PROS1: variants seen among roughly 807,000 people sequenced by gnomAD.
PROS1 encodes vitamin K-dependent protein S.
A neutral mutation model predicts 75.9 loss-of-function variants in PROS1; 29 were observed. That is an observed-to-expected ratio of 0.38 (90% CI 0.28 to 0.52). PROS1 has a LOEUF of 0.52. PROS1 is among the 20% of genes least tolerant of loss of function. The pLI is 0.83. For synonymous variants in PROS1, 245 were observed against 280.6 expected (o/e 0.87, Z 1.27); for missense variants, 680 against 810.3 (o/e 0.84, Z 1.95).
At chr3:93,925,711 CGACACAG>C (rs1240542430) in intron 2 of PROS1, among the ~76,000 whole-genome samples, 8 of 149,694 alleles carry the variant, frequency 5.3e-5, no homozygotes, top group Admixed American at 6.8e-5. Context: ...GTAGTCTCAG[CGACACAG>C]GAGGCTGAGA....
intron 12 of PROS1, 103 bp from the exon 13 acceptor site, chr3:93,879,417 G>A: frequency 7.0e-7 from 1 of 1,423,592 alleles, no homozygotes; most frequent in Non-Finnish European, 9.9e-7. Flanking sequence ...ACTATCTTGT[G>A]TAATACTATT....
chr3:93,950,976 C>A (rs1423493798), intron 1 of PROS1, among the ~76,000 whole-genome samples: 1 of 151,906 alleles, frequency 6.6e-6, no homozygotes, highest in Non-Finnish European at 1.5e-5. Context: ...GAATAAACAG[C>A]ATAGAGAAGA....
intron 1 of PROS1, among the ~76,000 whole-genome samples, chr3:93,932,736 C>CA (rs1480914080): frequency 6.6e-6 from 1 of 151,978 alleles, no homozygotes; most frequent in Non-Finnish European, 1.5e-5. Flanking sequence ...GACTTACCTC[C>CA]AAAAAATAAT....
intron 4 of PROS1, among the ~76,000 whole-genome samples, chr3:93,907,779 G>A (rs1213018829): frequency 6.6e-6 from 1 of 152,202 alleles, no homozygotes; most frequent in Non-Finnish European, 1.5e-5. Flanking sequence ...TTTCATAACT[G>A]TAATTTAGAT....
chr3:93,930,018 ATATT>A (rs1198991178), intron 1 of PROS1, among the ~76,000 whole-genome samples: 4 of 152,242 alleles, frequency 2.6e-5, no homozygotes, highest in Non-Finnish European at 4.4e-5. Context: ...AACAGTTACT[ATATT>A]TATCAGTTAA....
At chr3:93,893,864 T>G (rs1708466691) in intron 9 of PROS1, among the ~76,000 whole-genome samples, 1 of 152,190 alleles carries the variant, frequency 6.6e-6, no homozygotes, top group Non-Finnish European at 1.5e-5. Context: ...ATCTGAGTGC[T>G]GGCAACATCT....
At chr3:93,940,125 A>T (rs1709259659) in intron 1 of PROS1, among the ~76,000 whole-genome samples, 2 of 152,170 alleles carry the variant, frequency 1.3e-5, no homozygotes, top group Admixed American at 1.3e-4. Flanking sequence ...GCAGCCCGGG[A>T]TACCTCCTAA....
intron 1 of PROS1, among the ~76,000 whole-genome samples, chr3:93,946,724 A>G (rs1709407316): frequency 6.6e-6 from 1 of 152,068 alleles, no homozygotes; most frequent in South Asian, 2.1e-4. Flanking sequence ...CCTAAGGAAT[A>G]CCATTCAGGC....
chr3:93,944,059 G>GCT (rs1709339262), intron 1 of PROS1, among the ~76,000 whole-genome samples: 1 of 152,290 alleles, frequency 6.6e-6, no homozygotes, highest in African/African-American at 2.4e-5. Context: ...ACTTCACACA[G>GCT]ATGAGTGTGA....
At chr3:93,902,928 G>T (rs191918155) in intron 6 of PROS1, among the ~76,000 whole-genome samples, 1 of 152,088 alleles carries the variant, frequency 6.6e-6, no homozygotes, top group Admixed American at 6.5e-5. Context: ...CAGATCTGTT[G>T]TGATCTCAGC....
intron 1 of PROS1, among the ~76,000 whole-genome samples, chr3:93,947,011 A>G (rs1217834423): frequency 6.6e-6 from 1 of 152,236 alleles, no homozygotes; most frequent in African/African-American, 2.4e-5. Context: ...GGCAAAGGTT[A>G]CGAACAGAAA....
chr3:93,944,251 G>C (rs1339065577), intron 1 of PROS1, among the ~76,000 whole-genome samples: 1 of 150,960 alleles, frequency 6.6e-6, no homozygotes, highest in Non-Finnish European at 1.5e-5. Context: ...ACCCAGTTTT[G>C]CTGTTTATAT....
intron 3 of PROS1, among the ~76,000 whole-genome samples, chr3:93,912,010 T>A (rs1434946521): frequency 6.6e-6 from 1 of 152,228 alleles, no homozygotes; most frequent in Non-Finnish European, 1.5e-5. Context: ...GAAGTCAGTA[T>A]GTGTTTAAGT....
Position 93,903,723 on chromosome 3 carries a change from G to A in PROS1, c.601+2061C>T, listed in dbSNP as rs117909772. 8.0e-4 allele frequency among the ~76,000 whole-genome samples: 121 copies of A among 152,118 alleles called. 1 individual carries two copies. The East Asian group carries it at 0.022, about 27-fold the overall frequency. The stretch of plus-strand genomic sequence containing the variant: ...AAAGAGACTATTAAAGTATTTAAGC[G>A]TAGAAGTAAGAATGGGTACTATTTG... On this transcript the variant is annotated intron_variant, in intron 6 of 14. Coordinates refer to ENST00000394236, the MANE Select transcript of PROS1 (RefSeq NM_000313.4).
intron 1 of PROS1, among the ~76,000 whole-genome samples, chr3:93,953,035 G>T (rs1204649753): frequency 3.3e-5 from 5 of 152,190 alleles, no homozygotes; most frequent in African/African-American, 4.8e-5. Context: ...TCAGGAAGAA[G>T]TTGAATCCCT....
intron 1 of PROS1, among the ~76,000 whole-genome samples, chr3:93,968,955 A>C (rs539297746): frequency 7.2e-5 from 11 of 152,174 alleles, no homozygotes; most frequent in Non-Finnish European, 1.5e-4. Context: ...CTTATTGAGC[A>C]AACACAAACA....
chr3:93,953,246 T>A (rs542231688), intron 1 of PROS1, among the ~76,000 whole-genome samples: 1 of 152,170 alleles, frequency 6.6e-6, no homozygotes, highest in African/African-American at 2.4e-5. Flanking sequence ...ATCATCCTGA[T>A]ACCAAAGCCT....
intron 1 of PROS1, among the ~76,000 whole-genome samples, chr3:93,936,362 A>C (rs974118534): frequency 5.3e-5 from 8 of 152,190 alleles, no homozygotes; most frequent in South Asian, 2.1e-4. Flanking sequence ...AGCACCACGT[A>C]ATATGCCCAT....
At chr3:93,964,613 C>A (rs780704032) in intron 1 of PROS1, among the ~76,000 whole-genome samples, 22 of 152,140 alleles carry the variant, frequency 1.4e-4, no homozygotes, top group Non-Finnish European at 2.6e-4. Flanking sequence ...AACAAAGACC[C>A]TTATCAGTAA....
Sources: gnomAD v4.1 joint callset for allele counts (sites outside exome capture counted in the v4.1 genomes callset) on GRCh38, gnomAD v4.1.1 for gene constraint, MANE v1.5 for transcripts, NCBI Gene and HGNC (gene_info 2026-07-23, HGNC 2026-07-21) for gene names.